Variants in ZBTB20 observed in about 807,000 individuals in gnomAD.
ZBTB20 encodes zinc finger and BTB domain-containing protein 20.
In ZBTB20, 9 loss-of-function variants were observed where a neutral mutation model predicts 56.9. The observed-to-expected ratio is 0.16, with a 90% CI of 0.10 to 0.28. The LOEUF (loss-of-function observed/expected upper bound fraction) is 0.28. Among genes scored for constraint, ZBTB20 ranks in the 10% least tolerant of loss-of-function variants. The pLI is 1.00. For synonymous variants in ZBTB20, 417 were observed against 420.7 expected, an observed-to-expected ratio of 0.99 and a Z score of 0.11; for missense variants, 655 against 1,003.0, an observed-to-expected ratio of 0.65 and a Z score of 4.69.
At chr3:114,851,098 A>C (rs1281468330) in intron 4 of ZBTB20, among the ~76,000 whole-genome samples, 7 of 152,188 alleles carry the variant, frequency 4.6e-5, no homozygotes, top group Non-Finnish European at 1.0e-4. Flanking sequence ...AGGGATGCCG[A>C]GTCAGCCTGT....
At chr3:114,553,349 T>G (rs2050802628) in intron 6 of ZBTB20, among the ~76,000 whole-genome samples, 1 of 152,182 alleles carries the variant, frequency 6.6e-6, no homozygotes, top group Non-Finnish European at 1.5e-5. Flanking sequence ...GAAAGTATAA[T>G]TTAACTTCCA....
chr3:114,547,865 G>C (rs1382966206), intron 6 of ZBTB20, among the ~76,000 whole-genome samples: 1 of 152,158 alleles, frequency 6.6e-6, no homozygotes, highest in East Asian at 1.9e-4. Flanking sequence ...TTTTTAAAGA[G>C]TGTATTTTCA....
Position 114,350,817 on chromosome 3 carries a change from G to A in ZBTB20, c.1261C>T (p.Pro421Ser), listed in dbSNP as rs1192860362. The A allele has an allele frequency of 6.2e-7, 1 of 1,613,602 alleles. No homozygotes were observed. Among genetic ancestry groups the A allele is most frequent in the Admixed American group, 1.7e-5 (1 of 60,020 alleles). ...QAAEAPAEGG[P>S]QTNQLETGAS... ...CCTGTTTCTAGCTGGTTTGTCTGCG[G>A]ACCACCCTCAGCGGGGGCTTCTGCA... The change falls in exon 11 of 12, where the codon CCG becomes TCG. Residue 421 changes from proline to serine, a missense_variant. Physicochemically the swap from Pro to Ser is moderately conservative, Grantham distance 74 (BLOSUM62 -1). Around this residue, in one of 10 missense-constraint regions of ZBTB20, gnomAD observed 156 missense variants for 181.0 expected, o/e 0.86. Coordinates refer to ENST00000675478, the MANE Select transcript of ZBTB20 (RefSeq NM_001348800.3).
At chr3:114,665,362 A>G (rs995493564) in intron 6 of ZBTB20, among the ~76,000 whole-genome samples, 11 of 152,032 alleles carry the variant, frequency 7.2e-5, no homozygotes, top group African/African-American at 2.7e-4. Context: ...AGTAGTATAT[A>G]CCATCTAGGT....
In ZBTB20 at chr3:114,330,175, T is replaced by C. The variant is rs1560072611; in HGVS notation, c.*8830A>G. 6.6e-6 allele frequency: 1 copy of C among 152,222 alleles called. No individual in the cohort carries two copies. Among genetic ancestry groups the C allele is most frequent in the Non-Finnish European group, 1.5e-5 (1 of 68,028 alleles). The allele number at this position is 152,222 out of a possible 1,614,324, so 9.4% of individuals were successfully genotyped here. ...AAAGTTTTCACTTTCCTACATTTGC[T>C]AAGTCTGAGCTTTAAAAAATTCTAA... On this transcript the variant is annotated 3_prime_UTR_variant, in exon 12 of 12. Transcript: ENST00000675478.
At chr3:114,937,315 T>A (rs1034620996) in intron 3 of ZBTB20, among the ~76,000 whole-genome samples, 2 of 152,202 alleles carry the variant, frequency 1.3e-5, no homozygotes, top group Non-Finnish European at 2.9e-5. Flanking sequence ...CCATTCTAAC[T>A]GGCTTGAGAT....
chr3:114,513,696 A>C (rs1404180016), intron 6 of ZBTB20, among the ~76,000 whole-genome samples: 2 of 152,168 alleles, frequency 1.3e-5, no homozygotes, highest in African/African-American at 4.8e-5. Context: ...AGGTGAGAGA[A>C]ATATCAAAAC....
At chr3:115,064,981 T>A (rs894222637) in intron 2 of ZBTB20, among the ~76,000 whole-genome samples, 1 of 152,158 alleles carries the variant, frequency 6.6e-6, no homozygotes, top group Non-Finnish European at 1.5e-5. Context: ...ACTGGAACCT[T>A]TGGGGCTGAA....
intron 1 of ZBTB20, among the ~76,000 whole-genome samples, chr3:115,093,534 T>G (rs1284623783): frequency 6.6e-6 from 1 of 152,182 alleles, no homozygotes; most frequent in East Asian, 1.9e-4. Context: ...AAGTTCTTTT[T>G]GTTTTGTTTC....
chr3:114,480,201 G>A (rs1469017968), intron 7 of ZBTB20, among the ~76,000 whole-genome samples: 1 of 152,032 alleles, frequency 6.6e-6, no homozygotes, highest in Admixed American at 6.5e-5. Context: ...CTAGTTCTCA[G>A]CACAGAAGTG....
intron 5 of ZBTB20, among the ~76,000 whole-genome samples, chr3:114,752,842 T>C (rs376102612): frequency 2.6e-5 from 4 of 152,140 alleles, no homozygotes; most frequent in East Asian, 1.9e-4. Context: ...CCCTTGAAGA[T>C]TGACCCCATT....
At chr3:114,578,000 T>C (rs2054271130) in intron 6 of ZBTB20, among the ~76,000 whole-genome samples, 1 of 152,194 alleles carries the variant, frequency 6.6e-6, no homozygotes, top group East Asian at 1.9e-4. Flanking sequence ...CCAGATAAAT[T>C]TGATTTTATG....
At chr3:114,830,862 G>T (rs1167377346) in intron 4 of ZBTB20, among the ~76,000 whole-genome samples, 1 of 151,776 alleles carries the variant, frequency 6.6e-6, no homozygotes, top group Non-Finnish European at 1.5e-5. Context: ...TTCCAGTGCA[G>T]CAATCCTGTC....
intron 3 of ZBTB20, among the ~76,000 whole-genome samples, chr3:114,948,137 G>A (rs903681059): frequency 6.9e-6 from 1 of 145,240 alleles, no homozygotes; most frequent in Non-Finnish European, 1.5e-5. Context: ...AAGAATGCAA[G>A]GGTGGATTAA....
In ZBTB20 at chr3:114,731,525, GA is replaced by G. The variant is rs1291628241; in HGVS notation, c.-342-37951del. On this transcript the variant is annotated intron_variant, in intron 5 of 11. Coordinates refer to ENST00000675478, the MANE Select transcript of ZBTB20 (RefSeq NM_001348800.3). ...TGAATATGTTTTCATTCCAGTTATT[GA>G]AAAAAACTTGTGACCAAGATAAGGC... Among the ~76,000 whole-genome samples the G allele has an allele frequency of 5.3e-5, 8 of 152,132 alleles. No individual in the cohort carries two copies. In the East Asian group the frequency reaches 1.5e-3, roughly 29 times the overall value.
intron 6 of ZBTB20, among the ~76,000 whole-genome samples, chr3:114,506,374 C>T (rs1459501659): frequency 4.6e-5 from 7 of 152,108 alleles, no homozygotes; most frequent in African/African-American, 1.7e-4. Flanking sequence ...TACAATGTAA[C>T]ACTCCATCCC....
intron 10 of ZBTB20, among the ~76,000 whole-genome samples, chr3:114,377,864 G>A (rs1049159140): frequency 6.6e-6 from 1 of 152,062 alleles, no homozygotes; most frequent in African/African-American, 2.4e-5. Context: ...TCATGACTAA[G>A]AATAATTTTG....
intron 7 of ZBTB20, among the ~76,000 whole-genome samples, chr3:114,449,538 C>A (rs1194039959): frequency 6.6e-6 from 1 of 152,026 alleles, no homozygotes; most frequent in Non-Finnish European, 1.5e-5. Context: ...AAAGAATATT[C>A]TTCGATAGCG....
intron 2 of ZBTB20, among the ~76,000 whole-genome samples, chr3:114,994,703 G>T (rs1244979852): frequency 6.6e-6 from 1 of 151,922 alleles, no homozygotes; most frequent in African/African-American, 2.4e-5. Context: ...CTTGAAATCT[G>T]ATTGGACACT....
Sources: allele counts gnomAD v4.1 joint callset (sites outside exome capture counted in the v4.1 genomes callset), GRCh38; gene constraint gnomAD v4.1.1; regional missense constraint gnomAD v4.1.1; transcripts MANE v1.5; gene names NCBI Gene and HGNC (gene_info 2026-07-23, HGNC 2026-07-21).